Variants in ACACB observed in about 807,000 individuals in gnomAD.
ACACB encodes the protein acetyl-CoA carboxylase beta.
In ACACB, 209 loss-of-function variants were observed where a neutral mutation model predicts 278.8. The observed-to-expected ratio is 0.75, with a 90% CI of 0.67 to 0.84. ACACB has a LOEUF of 0.84. Ranked by LOEUF, ACACB falls within the 40% of genes least tolerant of loss-of-function variation. The pLI is 0.00. For missense variants in ACACB, 2,850 were observed against 3,269.0 expected (o/e 0.87, Z 3.13); for synonymous variants, 1,174 against 1,285.6 (o/e 0.91, Z 1.86).
intron 19 of ACACB, among the ~76,000 whole-genome samples, chr12:109,205,282 G>C (rs1593552830): frequency 6.6e-6 from 1 of 152,276 alleles, no homozygotes; most frequent in Non-Finnish European, 1.5e-5. Flanking sequence ...TAATGAGGCA[G>C]GGCCTGCCCA....
chr12:109,167,731 CT>C (rs2043966658), intron 3 of ACACB, among the ~76,000 whole-genome samples, 164 bp from the exon 4 acceptor site: 1 of 148,234 alleles, frequency 6.7e-6, no homozygotes, highest in African/African-American at 2.5e-5. Flanking sequence ...AGCTCCTGCT[CT>C]GTGCTGGGGT....
chr12:109,145,884 C>T (rs1349217672), intron 2 of ACACB, among the ~76,000 whole-genome samples: 1 of 151,748 alleles, frequency 6.6e-6, no homozygotes, highest in African/African-American at 2.4e-5. Flanking sequence ...TGGCAGGTGC[C>T]TGTAATCCCA....
intron 24 of ACACB, among the ~76,000 whole-genome samples, chr12:109,219,005 G>A (rs4766463): frequency 0.15 from 22,825 of 151,644 alleles, 2,081 homozygotes; most frequent in East Asian, 0.28. Flanking sequence ...GACCTCAGGT[G>A]ATCCACCAGC....
intron 44 of ACACB, among the ~76,000 whole-genome samples, chr12:109,255,064 C>G (rs911508139): frequency 1.3e-5 from 2 of 152,070 alleles, no homozygotes; most frequent in Non-Finnish European, 2.9e-5. Flanking sequence ...CATGAGCCAC[C>G]ATGCCTGGCC....
intron 28 of ACACB, among the ~76,000 whole-genome samples, chr12:109,231,399 T>C (rs1258153260): frequency 2.0e-5 from 3 of 152,172 alleles, no homozygotes; most frequent in African/African-American, 7.2e-5. Context: ...CATGAACACA[T>C]GTTAATTCAT....
intron 2 of ACACB, among the ~76,000 whole-genome samples, chr12:109,144,697 A>G (rs956351622): frequency 1.1e-4 from 16 of 151,820 alleles, no homozygotes; most frequent in Admixed American, 9.2e-4. Flanking sequence ...GAAAGCAGAA[A>G]CAAGGGACAA....
chr12:109,264,751 T>G (rs139920252), intron 50 of ACACB, among the ~76,000 whole-genome samples: 2 of 152,186 alleles, frequency 1.3e-5, no homozygotes, highest in African/African-American at 4.8e-5. Context: ...TTGCAAGGAC[T>G]CCCACAGTCA....
chr12:109,137,384 G>A (rs569111889), intron 1 of ACACB, among the ~76,000 whole-genome samples: 1 of 152,262 alleles, frequency 6.6e-6, no homozygotes, highest in Admixed American at 6.5e-5. Context: ...TTATGGCAGG[G>A]CACAGTGTCT....
intron 12 of ACACB, 122 bp downstream of exon 12, chr12:109,185,862 G>A (rs914485467): frequency 2.8e-5 from 26 of 922,532 alleles, no homozygotes; most frequent in Non-Finnish European, 3.9e-5. Flanking sequence ...TACAAATGGG[G>A]AAACTGAGGC....
chr12:109,235,260 A>G, intron 31 of ACACB, 53 bp from the exon 32 acceptor site: 1 of 1,479,472 alleles, frequency 6.8e-7, no homozygotes, highest in Non-Finnish European at 9.5e-7. Flanking sequence ...GCAATACTTC[A>G]GTTCCTTTTA....
chr12:109,172,958 A>G (rs534813396), intron 6 of ACACB, among the ~76,000 whole-genome samples: 1 of 152,234 alleles, frequency 6.6e-6, no homozygotes, highest in Non-Finnish European at 1.5e-5. Flanking sequence ...AAAATGTGGT[A>G]CATATACACC....
At chr12:109,195,011 A>T (rs2045066119) in intron 16 of ACACB, among the ~76,000 whole-genome samples, 1 of 152,166 alleles carries the variant, frequency 6.6e-6, no homozygotes, top group African/African-American at 2.4e-5. Context: ...CTCCTCTGTC[A>T]GAAGTGCCTA....
At position 109,173,445 on chromosome 12, in the gene ACACB, C is replaced by T. The variant is rs2044182477; in HGVS notation, c.1118-687C>T. ...CAATACATGATATTCACCTGAGGTA[C>T]AGCCGGGAGTCCCATGCCCATTGAC... On this transcript the variant is annotated intron_variant, in intron 6 of 52. Transcript: ENST00000338432. 2.0e-5 allele frequency among the ~76,000 whole-genome samples: 3 copies of T among 152,192 alleles called. No individual in the cohort carries two copies. The South Asian group carries it at 6.2e-4, about 32-fold the overall frequency.
At chr12:109,240,547 A>G (rs1222817695) in intron 35 of ACACB, among the ~76,000 whole-genome samples, 1 of 148,608 alleles carries the variant, frequency 6.7e-6, no homozygotes, top group African/African-American at 2.4e-5. Context: ...TCAAATTAAT[A>G]TTAATATCGA....
At chr12:109,209,937 A>ACACGTGTGTG (rs2045652981) in intron 21 of ACACB, among the ~76,000 whole-genome samples, 1 of 77,176 alleles carries the variant, frequency 1.3e-5, no homozygotes, top group Non-Finnish European at 2.8e-5. Context: ...GTATACACAC[A>ACACGTGTGTG]TACACACACG....
At chr12:109,150,714 A>G (rs1256997296) in intron 2 of ACACB, among the ~76,000 whole-genome samples, 3 of 152,202 alleles carry the variant, frequency 2.0e-5, no homozygotes, top group Admixed American at 2.0e-4. Context: ...GTGGGCTTGC[A>G]GTGCAGCCTC....
intron 41 of ACACB, among the ~76,000 whole-genome samples, chr12:109,250,883 T>C (rs769802068): frequency 6.6e-6 from 1 of 152,218 alleles, no homozygotes; most frequent in Non-Finnish European, 1.5e-5. Flanking sequence ...GAGATCCAAG[T>C]GCCTCATCCA....
chr12:109,241,637 A>G (rs970375519), intron 36 of ACACB: 1 of 286,184 alleles, frequency 3.5e-6, no homozygotes, highest in African/African-American at 2.2e-5. Context: ...GTGAGCCACC[A>G]CGCCTGGCCA....
In ACACB at chr12:109,210,095, ATGTG is replaced by A. The variant is rs371670443; in HGVS notation, c.3249+748_3249+751del. Among the ~76,000 whole-genome samples, 2 of 75,248 alleles carry A rather than the reference ATGTG, an allele frequency of 2.7e-5. 1 individual carries two copies. Among genetic ancestry groups the A allele is most frequent in the Non-Finnish European group, 5.5e-5 (2 of 36,202 alleles). The allele number at this position is 75,248 out of a possible 152,430, so 49.4% of individuals were successfully genotyped here. ...TGTGTATATATGTATATATACACACATGTGTGTGTATATGTATATATACACGTAC... is the reference window on the plus strand; with the variant it reads ...TGTGTATATATGTATATATACACACATGTGTATATGTATATATACACGTAC... On this transcript the variant is annotated intron_variant, in intron 21 of 52. Transcript: ENST00000338432.
Sources: gnomAD v4.1 joint callset for allele counts (sites outside exome capture counted in the v4.1 genomes callset) on GRCh38, gnomAD v4.1.1 for gene constraint, MANE v1.5 for transcripts, NCBI Gene and HGNC (gene_info 2026-07-23, HGNC 2026-07-21) for gene names.